Variants in GPHN observed in about 807,000 individuals in gnomAD.
GPHN encodes gephyrin.
Under a neutral mutation model 95.5 loss-of-function variants are expected in GPHN, and 17 were observed. The ratio of observed to expected loss-of-function variants is 0.18; its 90% CI spans 0.12 to 0.27. GPHN has a LOEUF of 0.27. GPHN is among the 10% of genes least tolerant of loss of function. GPHN has a pLI of 1.00. For missense variants in GPHN, 660 were observed against 978.1 expected (o/e 0.67, Z 4.34); for synonymous variants, 320 against 322.5 (o/e 0.99, Z 0.08).
intron 9 of GPHN, among the ~76,000 whole-genome samples, chr14:67,022,603 G>GTGTA (rs2073710827): frequency 9.2e-6 from 1 of 108,506 alleles, no homozygotes; most frequent in African/African-American, 3.7e-5. Flanking sequence ...GTGTGTGTGT[G>GTGTA]TGTATTTTTC....
intron 11 of GPHN, among the ~76,000 whole-genome samples, chr14:67,072,873 G>A (rs1487510879): frequency 6.6e-6 from 1 of 151,386 alleles, no homozygotes; most frequent in Non-Finnish European, 1.5e-5. Context: ...TTGCAACCCT[G>A]TGACTATAAT....
chr14:66,835,347 G>A (rs561315787), intron 4 of GPHN, among the ~76,000 whole-genome samples: 1 of 151,562 alleles, frequency 6.6e-6, no homozygotes, highest in Non-Finnish European at 1.5e-5. Context: ...ATTGTGATGT[G>A]AGGGTGTCAA....
At chr14:66,527,774 G>A (rs979254530) in intron 1 of GPHN, among the ~76,000 whole-genome samples, 4 of 152,160 alleles carry the variant, frequency 2.6e-5, no homozygotes, top group African/African-American at 9.7e-5. Context: ...TAGTTGTGTG[G>A]TTTTGAGTGA....
intron 10 of GPHN, among the ~76,000 whole-genome samples, chr14:67,046,246 A>G (rs2075009504): frequency 6.6e-6 from 1 of 152,098 alleles, no homozygotes; most frequent in South Asian, 2.1e-4. Flanking sequence ...TTGTTCCAAG[A>G]TCCTTTTGAC....
chr14:67,593,159 T>C, the GPHN span: 1 of 162,226 alleles, frequency 6.2e-6, no homozygotes, highest in Non-Finnish European at 1.3e-5. Context: ...TTGATAGCTT[T>C]TGAAGTGGAA....
the GPHN span, among the ~76,000 whole-genome samples, chr14:67,553,500 C>T: frequency 6.6e-6 from 1 of 152,148 alleles, no homozygotes; most frequent in African/African-American, 2.4e-5. Context: ...GAGGTTTGTG[C>T]ACCTTCTCCA....
the GPHN span, among the ~76,000 whole-genome samples, chr14:67,531,558 C>T: frequency 6.6e-6 from 1 of 151,786 alleles, no homozygotes; most frequent in African/African-American, 2.4e-5. Context: ...TAGGGGAGAG[C>T]ATGCTCCTCC....
chr14:67,575,469 C>G, the GPHN span: 2 of 1,592,368 alleles, frequency 1.3e-6, no homozygotes, highest in South Asian at 2.3e-5. Flanking sequence ...GCCATGAGGA[C>G]AAGGTACTTC....
At chr14:67,653,597 G>A in the GPHN span, 2 of 1,077,070 alleles carry the variant, frequency 1.9e-6, no homozygotes, top group African/African-American at 3.2e-5. Context: ...GATATATGTT[G>A]AAAAATTCCA....
chr14:67,204,776 C>G, the GPHN span: 12 of 1,613,688 alleles, frequency 7.4e-6, no homozygotes, highest in Non-Finnish European at 1.0e-5. Context: ...ACAGACATCA[C>G]AGGCTCCATG....
intron 1 of GPHN, among the ~76,000 whole-genome samples, chr14:66,531,579 T>C (rs1011422015): frequency 1.3e-5 from 2 of 152,232 alleles, no homozygotes; most frequent in African/African-American, 4.8e-5. Context: ...GTAGAAACTT[T>C]TAAGCAGCTG....
chr14:67,328,860 A>G, the GPHN span, among the ~76,000 whole-genome samples: 1 of 152,162 alleles, frequency 6.6e-6, no homozygotes, highest in African/African-American at 2.4e-5. Context: ...TACCAGTAGC[A>G]TGCTGTTTTG....
chr14:67,165,430 A>C (rs1272951667), intron 20 of GPHN, among the ~76,000 whole-genome samples: 3 of 152,036 alleles, frequency 2.0e-5, no homozygotes, highest in Non-Finnish European at 2.9e-5. Context: ...TTGGTGTGAA[A>C]GTCAGATTAG....
intron 10 of GPHN, among the ~76,000 whole-genome samples, chr14:67,045,539 CTG>C (rs904384287): frequency 2.0e-5 from 3 of 151,512 alleles, no homozygotes; most frequent in Non-Finnish European, 4.4e-5. Flanking sequence ...ATTTGTCTCT[CTG>C]TGTGTGTCTC....
the GPHN span, among the ~76,000 whole-genome samples, chr14:67,359,459 C>T: frequency 5.6e-3 from 848 of 152,056 alleles, 36 homozygotes; most frequent in Admixed American, 0.043. Context: ...GCTGGGATCG[C>T]TTCGTCCAGC....
the GPHN span, chr14:67,695,574 T>C: frequency 6.5e-7 from 1 of 1,538,518 alleles, no homozygotes; most frequent in Non-Finnish European, 8.9e-7. Flanking sequence ...GATTCTATGT[T>C]TCCCTCCCGC....
chr14:67,570,230 G>GTC, the GPHN span: 1,740 of 448,734 alleles, frequency 3.9e-3, 7 homozygotes, highest in Non-Finnish European at 4.8e-3. Flanking sequence ...CGTGGACAAG[G>GTC]TAAGAAGGTT....
intron 3 of GPHN, among the ~76,000 whole-genome samples, chr14:66,814,488 G>C (rs1031832923): frequency 1.3e-5 from 2 of 152,168 alleles, no homozygotes; most frequent in Non-Finnish European, 2.9e-5. Flanking sequence ...TCAAACTGGG[G>C]CCCAATGCAA....
In GPHN at chr14:67,126,797, G is replaced by A. The variant is rs886672835; in HGVS notation, c.1748+4420G>A. 9.5e-4 allele frequency among the ~76,000 whole-genome samples: 144 copies of A among 151,680 alleles called. 1 individual carries two copies. Among genetic ancestry groups the A allele is most frequent in the African/African-American group, 3.3e-3 (136 of 41,352 alleles). Reference sequence around the variant, plus strand: ...TGCTGCTATAAAGACACATGCACACGTATGTTTATTGCGGCATTATTCACA... The same window carrying A: ...TGCTGCTATAAAGACACATGCACACATATGTTTATTGCGGCATTATTCACA... On this transcript the variant is annotated intron_variant, in intron 17 of 22. Coordinates refer to ENST00000478722, the MANE Select transcript of GPHN (RefSeq NM_020806.5).
Sources: allele counts gnomAD v4.1 joint callset (sites outside exome capture counted in the v4.1 genomes callset), GRCh38; gene constraint gnomAD v4.1.1; transcripts MANE v1.5; gene names NCBI Gene and HGNC (gene_info 2026-07-23, HGNC 2026-07-21).